The following LRRC37A2 variants were observed in gnomAD, a reference collection of about 807,000 sequenced individuals.
The protein encoded by LRRC37A2 is leucine rich repeat containing 37 member A2, also known as leucine-rich repeat-containing protein 37A2.
In LRRC37A2, 9 loss-of-function variants were observed where a neutral mutation model predicts 68.8. That is an observed-to-expected ratio of 0.13 (90% CI 0.08 to 0.23). The LOEUF is 0.23. Ranked by LOEUF, LRRC37A2 falls within the 10% of genes least tolerant of loss-of-function variation. LRRC37A2 has a pLI of 1.00. For missense variants in LRRC37A2, 168 were observed against 950.4 expected (o/e 0.18, Z 10.82); for synonymous variants, 63 against 367.6 (o/e 0.17, Z 9.48).
the LRRC37A2 span, among the ~76,000 whole-genome samples, chr17:46,801,644 A>C: frequency 6.7e-6 from 1 of 148,788 alleles, no homozygotes; most frequent in African/African-American, 2.5e-5. Context: ...ATTGAATTGA[A>C]TTAAATTAAA....
At chr17:46,978,674 C>G in the LRRC37A2 span, 103 of 1,609,482 alleles carry the variant, frequency 6.4e-5, no homozygotes, top group Non-Finnish European at 8.2e-5. Flanking sequence ...GCTGCGCCCA[C>G]GTCCTTGGAG....
At chr17:46,866,089 T>A in the LRRC37A2 span, among the ~76,000 whole-genome samples, 5 of 152,124 alleles carry the variant, frequency 3.3e-5, no homozygotes, top group African/African-American at 1.2e-4. Context: ...AGGTGCAAGG[T>A]GGCATTGGGT....
the LRRC37A2 span, chr17:46,769,645 A>G: frequency 8.7e-7 from 1 of 1,144,308 alleles, no homozygotes; most frequent in South Asian, 1.4e-5. Context: ...GGTGGGGAGG[A>G]GGCCAAGCCT....
chr17:46,845,177 A>G, the LRRC37A2 span, among the ~76,000 whole-genome samples: 1 of 152,140 alleles, frequency 6.6e-6, no homozygotes, highest in African/African-American at 2.4e-5. Context: ...AGCAGTATCC[A>G]TAGCTATGTC....
chr17:46,861,508 C>G, the LRRC37A2 span, among the ~76,000 whole-genome samples: 5 of 152,218 alleles, frequency 3.3e-5, no homozygotes, highest in Non-Finnish European at 7.3e-5. Context: ...GCCTGGCCAA[C>G]TGGGAGCCAT....
At chr17:46,939,178 T>TGGAAA in the LRRC37A2 span, 39 of 1,090,654 alleles carry the variant, frequency 3.6e-5, no homozygotes, top group South Asian at 2.7e-4. Context: ...GGAGCAAAAG[T>TGGAAA]GGAAAGGAAA....
At chr17:46,748,181 C>T in the LRRC37A2 span, among the ~76,000 whole-genome samples, 1 of 152,044 alleles carries the variant, frequency 6.6e-6, no homozygotes, top group South Asian at 2.1e-4. Flanking sequence ...GATCTTGGCT[C>T]GGCTCACTGC....
the LRRC37A2 span, chr17:46,763,865 A>C: frequency 1.3e-5 from 2 of 151,878 alleles, no homozygotes; most frequent in East Asian, 1.9e-4. Flanking sequence ...CAAAAAAAAA[A>C]CTGCATTGAC....
chr17:46,862,571 T>A, the LRRC37A2 span, among the ~76,000 whole-genome samples: 1 of 151,890 alleles, frequency 6.6e-6, no homozygotes, highest in South Asian at 2.1e-4. Flanking sequence ...GCAAGCTGAG[T>A]TTTTTTTGTT....
chr17:46,956,375 C>A, the LRRC37A2 span, among the ~76,000 whole-genome samples: 1 of 150,536 alleles, frequency 6.6e-6, no homozygotes, highest in African/African-American at 2.5e-5. Flanking sequence ...ACTGCAACCT[C>A]CACCTCCCGG....
the LRRC37A2 span, among the ~76,000 whole-genome samples, chr17:46,890,286 G>A: frequency 6.6e-6 from 1 of 152,176 alleles, no homozygotes; most frequent in Non-Finnish European, 1.5e-5. Context: ...AGTGCTCCAC[G>A]AGGGACAAGG....
At chr17:46,799,162 G>A in the LRRC37A2 span, among the ~76,000 whole-genome samples, 1 of 152,104 alleles carries the variant, frequency 6.6e-6, no homozygotes, top group Non-Finnish European at 1.5e-5. Flanking sequence ...CAGAACGCAA[G>A]GTCATGCCAG....
the LRRC37A2 span, among the ~76,000 whole-genome samples, chr17:46,822,136 A>G: frequency 6.6e-6 from 1 of 152,246 alleles, no homozygotes; most frequent in African/African-American, 2.4e-5. Context: ...ATGGAGGAAC[A>G]GTGCAAAGGG....
the LRRC37A2 span, chr17:46,710,885 C>A: frequency 7.7e-7 from 1 of 1,293,904 alleles, no homozygotes; most frequent in Non-Finnish European, 1.1e-6. Flanking sequence ...TTAGCATGTA[C>A]GGATTATAAC....
the LRRC37A2 span, among the ~76,000 whole-genome samples, chr17:46,714,525 T>TG: frequency 6.6e-6 from 1 of 152,210 alleles, no homozygotes; most frequent in South Asian, 2.1e-4. Flanking sequence ...TTAATTAACA[T>TG]GGCCACTTTC....
chr17:46,971,111 G>C, the LRRC37A2 span, among the ~76,000 whole-genome samples: 3 of 152,134 alleles, frequency 2.0e-5, no homozygotes, highest in African/African-American at 7.2e-5. Flanking sequence ...AGCACTTACA[G>C]TGGATCATTT....
At chr17:46,799,896 T>G in the LRRC37A2 span, among the ~76,000 whole-genome samples, 1 of 152,174 alleles carries the variant, frequency 6.6e-6, no homozygotes. Flanking sequence ...ACATCTGGGA[T>G]TTGCACCACA....
the LRRC37A2 span, among the ~76,000 whole-genome samples, chr17:46,993,805 C>T: frequency 1.6e-4 from 25 of 152,312 alleles, 1 homozygote; most frequent in African/African-American, 4.1e-4. Context: ...TACATGTGCC[C>T]GGGCTGACAT....
the LRRC37A2 span, among the ~76,000 whole-genome samples, chr17:46,958,059 C>T: frequency 1.3e-5 from 2 of 152,108 alleles, no homozygotes; most frequent in African/African-American, 4.8e-5. Flanking sequence ...TGTCACTGGC[C>T]GGGGGTCACC....
Sources: gnomAD v4.1 joint callset for allele counts (sites outside exome capture counted in the v4.1 genomes callset) on GRCh38, gnomAD v4.1.1 for gene constraint, MANE v1.5 for transcripts, NCBI Gene and HGNC (gene_info 2026-07-23, HGNC 2026-07-21) for gene names.